Variants in CCDC170 observed in about 807,000 individuals in gnomAD.
CCDC170 encodes the protein coiled-coil domain-containing protein 170.
A neutral mutation model predicts 72.6 loss-of-function variants in CCDC170; 69 were observed. The ratio of observed to expected loss-of-function variants is 0.95; its 90% CI spans 0.78 to 1.16. The LOEUF is 1.16. Among genes scored for constraint, CCDC170 ranks in the 50% most tolerant of loss-of-function variants. The pLI is 0.00. For synonymous variants in CCDC170, 300 were observed against 303.9 expected (o/e 0.99, Z 0.13); for missense variants, 852 against 832.5 (o/e 1.02, Z -0.29).
intron 1 of CCDC170, among the ~76,000 whole-genome samples, chr6:151,494,634 T>C (rs932048345): frequency 3.9e-5 from 6 of 152,012 alleles, no homozygotes. Context: ...TCCAGAAACG[T>C]TGGTAATTCA....
intron 6 of CCDC170, among the ~76,000 whole-genome samples, chr6:151,573,896 A>G (rs1407569453): frequency 6.6e-6 from 1 of 152,188 alleles, no homozygotes; most frequent in Non-Finnish European, 1.5e-5. Context: ...TCAAGATGAG[A>G]TTTGGGTGGA....
intron 3 of CCDC170, among the ~76,000 whole-genome samples, chr6:151,540,875 C>G (rs1331225116): frequency 1.3e-5 from 2 of 152,092 alleles, no homozygotes; most frequent in African/African-American, 4.8e-5. Context: ...TGACTGTGCC[C>G]CCTGCAGCCA....
At chr6:151,530,310 A>T (rs934984388) in intron 1 of CCDC170, among the ~76,000 whole-genome samples, 3 of 151,892 alleles carry the variant, frequency 2.0e-5, no homozygotes, top group East Asian at 3.9e-4. Context: ...AACTTTAAAA[A>T]TTTTTTAATG....
At chr6:151,496,788 A>G (rs1366489035) in intron 1 of CCDC170, among the ~76,000 whole-genome samples, 1 of 152,260 alleles carries the variant, frequency 6.6e-6, no homozygotes, top group Non-Finnish European at 1.5e-5. Context: ...CATCTTGGTC[A>G]AAACAATTAA....
chr6:151,495,470 C>A (rs1345517263), intron 1 of CCDC170, among the ~76,000 whole-genome samples: 1 of 151,176 alleles, frequency 6.6e-6, no homozygotes, highest in African/African-American at 2.4e-5. Context: ...TCCTTTTTTT[C>A]TCTTGTTCTC....
rs1228563117 is a variant in CCDC170 at position 151,620,477 on chromosome 6, AG to A, written c.*2331del. On this transcript the variant is annotated 3_prime_UTR_variant, in exon 11 of 11. Transcript: ENST00000239374. ...TGAATTTCCTCTAGGGGAGGCCTGC[AG>A]TTTTCCCCACCAACCCCTTTTCACA... The A allele has an allele frequency of 3.9e-5, 6 of 152,402 alleles. No homozygotes were observed. Among genetic ancestry groups the A allele is most frequent in the Non-Finnish European group, 8.8e-5 (6 of 68,194 alleles). The allele number at this position is 152,402 out of a possible 1,614,324, so 9.4% of individuals were successfully genotyped here. A position where few individuals can be genotyped will look rare whatever the true frequency, so the allele number is the denominator to read the frequency against.
chr6:151,528,481 C>T (rs779966096), intron 1 of CCDC170, among the ~76,000 whole-genome samples: 6 of 152,156 alleles, frequency 3.9e-5, no homozygotes, highest in Non-Finnish European at 7.4e-5. Context: ...CTGTCCTTGT[C>T]TCTTTTTTTA....
chr6:151,499,825 G>A (rs913029879), intron 1 of CCDC170, among the ~76,000 whole-genome samples: 2 of 152,110 alleles, frequency 1.3e-5, no homozygotes, highest in African/African-American at 4.8e-5. Flanking sequence ...CATATGTCAT[G>A]TTCTGTTTAT....
chr6:151,504,774 G>C (rs1419197953), intron 1 of CCDC170, among the ~76,000 whole-genome samples: 1 of 151,852 alleles, frequency 6.6e-6, no homozygotes, highest in East Asian at 1.9e-4. Context: ...TAGAGATGCA[G>C]ATTTGGGAGC....
At chr6:151,588,936 AAAACAAAC>A (rs371404673) in intron 7 of CCDC170, among the ~76,000 whole-genome samples, 1 of 151,918 alleles carries the variant, frequency 6.6e-6, no homozygotes, top group African/African-American at 2.4e-5. Context: ...ACCCCGTCTC[AAAACAAAC>A]AAACAAACAA....
chr6:151,604,240 A>G (rs1428482020), intron 9 of CCDC170, among the ~76,000 whole-genome samples: 1 of 152,042 alleles, frequency 6.6e-6, no homozygotes, highest in Non-Finnish European at 1.5e-5. Flanking sequence ...TCTCCAACCC[A>G]ACGAGTATAG....
chr6:151,541,029 C>G (rs1215649027), intron 3 of CCDC170, among the ~76,000 whole-genome samples: 2 of 152,078 alleles, frequency 1.3e-5, no homozygotes, highest in African/African-American at 4.8e-5. Flanking sequence ...ACCATTCTCC[C>G]CCTTATTCTT....
chr6:151,497,075 G>A (rs3912291), intron 1 of CCDC170, among the ~76,000 whole-genome samples: 13,949 of 152,298 alleles, frequency 0.092, 733 homozygotes, highest in Middle Eastern at 0.16. Flanking sequence ...CTGTAGGAGG[G>A]ACAGAGGATA....
chr6:151,499,745 C>T (rs142893211), intron 1 of CCDC170, among the ~76,000 whole-genome samples: 101 of 148,568 alleles, frequency 6.8e-4, no homozygotes, highest in South Asian at 4.9e-3. Flanking sequence ...ATGTCCTCAA[C>T]GTTTCTTCAT....
Position 151,548,475 on chromosome 6 carries a change from G to A in CCDC170, c.760G>A (p.Glu254Lys), listed in dbSNP as rs1305312281. The change falls in exon 5 of 11, where the codon GAG (glutamate) becomes AAG (lysine). Residue 254 changes from glutamate to lysine, a missense_variant. Coordinates refer to ENST00000239374, the MANE Select transcript of CCDC170 (RefSeq NM_025059.4). ...KKAASCTEEK[E>K]KLNQDLLSAV... ...AGCTGCCTCCTGTACTGAAGAGAAAGAGAAGCTGAACCAGGTATGATATGT... is the reference window on the plus strand; with the variant it reads ...AGCTGCCTCCTGTACTGAAGAGAAAAAGAAGCTGAACCAGGTATGATATGT... The A allele has an allele frequency of 6.3e-7, 1 of 1,575,672 alleles. No homozygotes were observed. The highest frequency in any genetic ancestry group is 8.6e-7 in the Non-Finnish European group (1 of 1,163,146).
At position 151,520,420 on chromosome 6, in the gene CCDC170, A is replaced by G. The variant is rs564104167; in HGVS notation, c.58-15898A>G. Among the ~76,000 whole-genome samples the G allele has an allele frequency of 3.9e-5, 6 of 152,370 alleles. No homozygotes were observed. The East Asian group carries it at 1.2e-3, about 29-fold the overall frequency. The stretch of plus-strand genomic sequence containing the variant: ...AAAGAGATCTAATCTAACTGACTCC[A>G]TCTTGTTTGTAACCTTTAAGCTGTC... On this transcript the variant is annotated intron_variant, in intron 1 of 10. Transcript: ENST00000239374.
intron 5 of CCDC170, among the ~76,000 whole-genome samples, chr6:151,570,515 G>A (rs1183514261): frequency 6.6e-6 from 1 of 152,112 alleles, no homozygotes; most frequent in Non-Finnish European, 1.5e-5. Flanking sequence ...AGTGTATTTG[G>A]TATTATAAGT....
At chr6:151,541,886 ATT>A (rs547158203) in intron 3 of CCDC170, among the ~76,000 whole-genome samples, 9,516 of 136,980 alleles carry the variant, frequency 0.069, 1,077 homozygotes, top group African/African-American at 0.25. Context: ...ATATATATAT[ATT>A]TTTTTTTTTA....
At position 151,617,963 on chromosome 6, in the gene CCDC170, AGGT is replaced by A; in HGVS notation, c.1969_1971del (p.Val657del). On this transcript the variant is annotated inframe_deletion, in exon 11 of 11. Coordinates refer to ENST00000239374, the MANE Select transcript of CCDC170 (RefSeq NM_025059.4). ...ATATTGCAGCTGGCAGACTTCAGGG[AGGT>A]GGTGTCGCAGATGCTAGGCTTGAAC... 6.2e-7 allele frequency: 1 copy of A among 1,613,566 alleles called. No homozygotes were observed. Among genetic ancestry groups the A allele is most frequent in the South Asian group, 1.1e-5 (1 of 91,042 alleles).
Sources: allele counts gnomAD v4.1 joint callset (sites outside exome capture counted in the v4.1 genomes callset), GRCh38; gene constraint gnomAD v4.1.1; transcripts MANE v1.5; gene names NCBI Gene and HGNC (gene_info 2026-07-23, HGNC 2026-07-21).